Variants in CD38 observed in about 807,000 individuals in gnomAD.
CD38 encodes ADP-ribosyl cyclase/cyclic ADP-ribose hydrolase 1.
A neutral mutation model predicts 36.3 loss-of-function variants in CD38; 31 were observed. The observed-to-expected ratio is 0.85, with a 90% CI of 0.64 to 1.15. CD38 has a LOEUF of 1.15. Among genes scored for constraint, CD38 ranks in the 50% most tolerant of loss-of-function variants. The probability of loss-of-function intolerance (pLI) is 0.00; values close to 1 mark genes in which losing one functional copy is unlikely to be tolerated. For synonymous variants in CD38, 131 were observed against 135.2 expected (o/e 0.97, Z 0.22); for missense variants, 380 against 371.9 (o/e 1.02, Z -0.18).
chr4:15,842,038 C>G (rs1202893265), intron 7 of CD38, among the ~76,000 whole-genome samples: 1 of 141,036 alleles, frequency 7.1e-6, no homozygotes, highest in South Asian at 2.3e-4. Flanking sequence ...CCAGGAAGCT[C>G]GAACTGGGTG....
intron 1 of CD38, among the ~76,000 whole-genome samples, chr4:15,785,623 C>T (rs1722798932): frequency 6.6e-6 from 1 of 151,942 alleles, no homozygotes; most frequent in Non-Finnish European, 1.5e-5. Flanking sequence ...AAAACAGCTG[C>T]CAAATGTCAG....
intron 1 of CD38, among the ~76,000 whole-genome samples, chr4:15,802,913 T>C (rs566345587): frequency 1.3e-5 from 2 of 152,278 alleles, no homozygotes; most frequent in Admixed American, 6.5e-5. Context: ...TATAATACTA[T>C]AGTAAAACAG....
At chr4:15,819,410 T>G (rs1184958211) in intron 2 of CD38, among the ~76,000 whole-genome samples, 1 of 151,008 alleles carries the variant, frequency 6.6e-6, no homozygotes, top group Non-Finnish European at 1.5e-5. Flanking sequence ...GTGGATGAAT[T>G]GACAGAAGTA....
chr4:15,802,325 G>T (rs1240278234), intron 1 of CD38, among the ~76,000 whole-genome samples: 7 of 151,982 alleles, frequency 4.6e-5, no homozygotes, highest in African/African-American at 1.2e-4. Context: ...CATGTTCATG[G>T]ATTGGAAAAA....
chr4:15,828,696 T>C (rs1723899293), intron 3 of CD38, among the ~76,000 whole-genome samples: 1 of 152,230 alleles, frequency 6.6e-6, no homozygotes, highest in East Asian at 1.9e-4. Context: ...TGTGTATATA[T>C]ACCACACTTT....
intron 1 of CD38, among the ~76,000 whole-genome samples, chr4:15,801,195 C>T (rs895673093): frequency 2.0e-5 from 3 of 151,906 alleles, no homozygotes; most frequent in Non-Finnish European, 2.9e-5. Context: ...AATTTCTGGG[C>T]ACCTACAACC....
chr4:15,829,062 TATTA>T (rs1560317686), intron 3 of CD38, among the ~76,000 whole-genome samples: 2 of 152,198 alleles, frequency 1.3e-5, no homozygotes, highest in African/African-American at 4.8e-5. Flanking sequence ...TTTGTTTCCC[TATTA>T]ATTAGGAAGC....
At chr4:15,799,306 T>C (rs1723166812) in intron 1 of CD38, among the ~76,000 whole-genome samples, 1 of 152,190 alleles carries the variant, frequency 6.6e-6, no homozygotes, top group South Asian at 2.1e-4. Flanking sequence ...TTCTGTTGCA[T>C]CTTGTGTTTC....
At chr4:15,810,364 C>A (rs568462056) in intron 1 of CD38, among the ~76,000 whole-genome samples, 29 of 152,238 alleles carry the variant, frequency 1.9e-4, no homozygotes, top group African/African-American at 5.5e-4. Flanking sequence ...CTCTTTCCTG[C>A]CAGATCTTTT....
In CD38 at chr4:15,848,587, C is replaced by T. The variant is rs1724318031; in HGVS notation, c.888C>T (p.Cys296=). Residue 296 remains cysteine (C), a synonymous_variant, in exon 8 of 8, where the codon TGC becomes TGT. Coordinates refer to ENST00000226279, the MANE Select transcript of CD38 (RefSeq NM_001775.4). The part of the protein sequence containing the change: ...QCVKNPEDSS[C]TSEI Reference sequence around the variant, plus strand: ...TGAAAAATCCTGAGGATTCATCTTGCACATCTGAGATCTGAGCCAGTCGCT... The same window carrying T: ...TGAAAAATCCTGAGGATTCATCTTGTACATCTGAGATCTGAGCCAGTCGCT... The T allele has an allele frequency of 6.2e-7, 1 of 1,613,666 alleles. No individual in the cohort carries two copies. Among genetic ancestry groups the T allele is most frequent in the Non-Finnish European group, 8.5e-7 (1 of 1,179,606 alleles).
At chr4:15,786,968 G>T (rs567684397) in intron 1 of CD38, among the ~76,000 whole-genome samples, 1 of 152,254 alleles carries the variant, frequency 6.6e-6, no homozygotes, top group Non-Finnish European at 1.5e-5. Context: ...CTCCACAGCT[G>T]CTGGCCTGGG....
At chr4:15,785,532 TCC>T (rs1413101189) in intron 1 of CD38, among the ~76,000 whole-genome samples, 1 of 119,248 alleles carries the variant, frequency 8.4e-6, no homozygotes, top group African/African-American at 4.7e-5. Flanking sequence ...TGGAGAACGT[TCC>T]TTTTCTTTTT....
intron 1 of CD38, among the ~76,000 whole-genome samples, chr4:15,782,643 C>A (rs912449445): frequency 3.9e-5 from 6 of 152,120 alleles, no homozygotes; most frequent in Admixed American, 3.3e-4. Context: ...AATATACTTC[C>A]CCAGTGAACG....
intron 1 of CD38, among the ~76,000 whole-genome samples, chr4:15,808,875 G>A (rs1231730352): frequency 6.6e-6 from 1 of 152,148 alleles, no homozygotes. Context: ...TAAAAATATT[G>A]TAGGGGGCTC....
intron 1 of CD38, among the ~76,000 whole-genome samples, chr4:15,779,228 C>T (rs943028250): frequency 6.6e-6 from 1 of 152,098 alleles, no homozygotes; most frequent in African/African-American, 2.4e-5. Flanking sequence ...TCTTTTTGCG[C>T]GGCCTGAAAT....
In CD38 at chr4:15,803,414, G is replaced by C. The variant is rs112841801; in HGVS notation, c.234-13097G>C. On this transcript the variant is annotated intron_variant, in intron 1 of 7. Transcript: ENST00000226279. ...GGAATTAATATCTAGAATATACAAG[G>C]AACTTAACAGCAAAAAGCCAAATAA... 7.6e-3 allele frequency among the ~76,000 whole-genome samples: 1,162 copies of C among 152,190 alleles called. 17 individuals are homozygous for C. The highest frequency in any genetic ancestry group is 0.026 in the African/African-American group (1,100 of 41,520).
chr4:15,831,157 C>A (rs1723950933), intron 3 of CD38, among the ~76,000 whole-genome samples: 1 of 152,156 alleles, frequency 6.6e-6, no homozygotes, highest in Admixed American at 6.5e-5. Context: ...AAAGCTAATA[C>A]AAACTCTATA....
chr4:15,816,381 C>A, intron 1 of CD38, 130 bp from the exon 2 acceptor site: 3 of 676,412 alleles, frequency 4.4e-6, no homozygotes, highest in Admixed American at 3.0e-5. Context: ...GCATGTTAGA[C>A]GAGATAATAT....
At position 15,778,594 on chromosome 4, in the gene CD38, C is replaced by A. The variant is rs985947882; in HGVS notation, c.180C>A (p.Pro60=). ...WSGPGTTKRF[P]ETVLARCVKY... ...GTCCGGGCACCACCAAGCGCTTTCC[C>A]GAGACCGTCCTGGCGCGATGCGTCA... The change falls in exon 1 of 8, where the codon CCC becomes CCA. Residue 60 remains proline, a synonymous_variant. Transcript: ENST00000226279. This position sits in a 1 kb window ranked among gnomAD's most constrained non-coding sequence, Gnocchi z 4.9. 9 of 1,613,730 alleles carry A rather than the reference C, an allele frequency of 5.6e-6. No individual in the cohort carries two copies. The highest frequency in any genetic ancestry group is 7.6e-6 in the Non-Finnish European group (9 of 1,179,962).
Sources: allele counts gnomAD v4.1 joint callset (sites outside exome capture counted in the v4.1 genomes callset), GRCh38; gene constraint gnomAD v4.1.1; non-coding constraint Gnocchi (gnomAD v3.1); transcripts MANE v1.5; gene names NCBI Gene and HGNC (gene_info 2026-07-23, HGNC 2026-07-21).